Variants in LIN37 observed in about 807,000 individuals in gnomAD.
LIN37 encodes protein lin-37 homolog.
Under a neutral mutation model 38.0 loss-of-function variants are expected in LIN37, and 21 were observed. The ratio of observed to expected loss-of-function variants is 0.55; its 90% confidence interval spans 0.39 to 0.80. The LOEUF is 0.80. LIN37 is among the 30% of genes least tolerant of loss of function. The pLI is 0.00. For synonymous variants in LIN37, 126 were observed against 122.9 expected, an observed-to-expected ratio of 1.03 and a Z score of -0.17; for missense variants, 273 against 338.5, an observed-to-expected ratio of 0.81 and a Z score of 1.52.
chr19:35,750,155 T>G (rs11667696), intron 1 of LIN37, among the ~76,000 whole-genome samples: 22,078 of 144,546 alleles, frequency 0.15, 1,723 homozygotes, highest in South Asian at 0.28. Flanking sequence ...ATGGGGTTGG[T>G]GGGCTGGGTA....
In LIN37 at chr19:35,748,692, C is replaced by T. The variant is rs1231546893; in HGVS notation, c.-33C>T. 2 of 1,613,838 alleles carry T rather than the reference C, an allele frequency of 1.2e-6. No individual in the cohort carries two copies. The highest frequency in any genetic ancestry group is 8.5e-7 in the Non-Finnish European group (1 of 1,179,744). On this transcript the variant is annotated 5_prime_UTR_variant, in exon 1 of 9. Coordinates refer to ENST00000301159, the MANE Select transcript of LIN37 (RefSeq NM_019104.3). ...TGACCCTAGGCCCTTTGGGGCGCCT[C>T]TGACCCAGCTAGCCAGATCCCGGAC...
intron 1 of LIN37, among the ~76,000 whole-genome samples, chr19:35,751,485 G>A (rs1365790358): frequency 2.6e-5 from 4 of 152,172 alleles, no homozygotes; most frequent in South Asian, 2.1e-4. Flanking sequence ...CTTTGAGCAC[G>A]TGGCCTAACA....
At position 35,754,072 on chromosome 19, in the gene LIN37, C is replaced by A; in HGVS notation, c.500C>A (p.Thr167Lys). The A allele has an allele frequency of 6.2e-7, 1 of 1,613,952 alleles. No homozygotes were observed. The highest frequency in any genetic ancestry group is 8.5e-7 in the Non-Finnish European group (1 of 1,179,882). The part of the protein sequence containing the change: ...SRDVYKLPPP[T>K]PPGPPGDACR... ...GATGTGTACAAGCTGCCGCCACCCA[C>A]ACCCCCGGGGCCACCCGGAGATGCC... Residue 167 changes from threonine (T) to lysine (K), a missense_variant, in exon 7 of 9, where the codon ACA (threonine) becomes AAA (lysine). Transcript: ENST00000301159.
At position 35,749,671 on chromosome 19, in the gene LIN37, G is replaced by A. The variant is rs549719840; in HGVS notation, c.34+913G>A. On this transcript the variant is annotated intron_variant, in intron 1 of 8. Transcript: ENST00000301159. ...AAAAAAAAAATTAGCCAGGTGTGGT[G>A]GCACAAGCCTGTAGTCCCAGCTACT... is the stretch of plus-strand genomic sequence containing the variant. 5.9e-4 allele frequency among the ~76,000 whole-genome samples: 89 copies of A among 151,608 alleles called. No homozygotes were observed. In the Middle Eastern group the frequency reaches 0.01, roughly 17 times the overall value.
intron 6 of LIN37, 78 bp downstream of exon 6, chr19:35,753,331 T>C (rs547176991): frequency 5.8e-5 from 86 of 1,471,560 alleles, no homozygotes; most frequent in Non-Finnish European, 7.7e-5. Context: ...ATCCTGCCCC[T>C]AAGCTAGTGG....
chr19:35,751,446 ATCAGC>A (rs941320176), intron 1 of LIN37, among the ~76,000 whole-genome samples: 6 of 152,252 alleles, frequency 3.9e-5, no homozygotes, highest in African/African-American at 1.4e-4. Flanking sequence ...GGTTCAAATC[ATCAGC>A]TCTGCAATTT....
intron 1 of LIN37, among the ~76,000 whole-genome samples, chr19:35,750,728 G>GA (rs1970670498): frequency 6.6e-6 from 1 of 152,132 alleles, no homozygotes; most frequent in Admixed American, 6.5e-5. Context: ...TTGGGAGGCT[G>GA]AGGCAGGTGG....
intron 6 of LIN37, chr19:35,753,666 T>G: frequency 4.1e-6 from 2 of 487,568 alleles, no homozygotes; most frequent in Non-Finnish European, 7.5e-6. Flanking sequence ...AGGACAGACA[T>G]ATAGGACCCT....
In LIN37 at chr19:35,748,663, C is replaced by T; in HGVS notation, c.-62C>T. The T allele has an allele frequency of 1.9e-6, 3 of 1,609,652 alleles. No homozygotes were observed. Among genetic ancestry groups the T allele is most frequent in the Non-Finnish European group, 2.6e-6 (3 of 1,176,010 alleles). The stretch of plus-strand genomic sequence containing the variant: ...CTGTCCCCGCCTTCTCCCGCCTTGA[C>T]TTGTGACCCTAGGCCCTTTGGGGCG... On this transcript the variant is annotated 5_prime_UTR_variant, in exon 1 of 9. Transcript: ENST00000301159.
chr19:35,752,862 C>G (rs1292962176), intron 4 of LIN37, 29 bp downstream of exon 4: 1 of 1,601,470 alleles, frequency 6.2e-7, no homozygotes, highest in Admixed American at 1.7e-5. Context: ...AGCCAGCTGA[C>G]TAGAGGCTCC....
At chr19:35,749,724 G>A (rs1304548161) in intron 1 of LIN37, among the ~76,000 whole-genome samples, 7 of 151,444 alleles carry the variant, frequency 4.6e-5, no homozygotes, top group African/African-American at 9.7e-5. Context: ...AGGATCGCTG[G>A]AGCCGGGGAG....
At chr19:35,749,400 C>T (rs1021664437) in intron 1 of LIN37, among the ~76,000 whole-genome samples, 6 of 151,976 alleles carry the variant, frequency 3.9e-5, no homozygotes, top group African/African-American at 1.5e-4. Flanking sequence ...TGACCGGATC[C>T]CAGGCCTGGC....
chr19:35,751,978 T>C, intron 1 of LIN37, 198 bp from the exon 2 acceptor site: 2 of 526,320 alleles, frequency 3.8e-6, no homozygotes, highest in East Asian at 3.0e-5. Context: ...CACAGAGCAA[T>C]CACGTGGGAC....
rs137964044 is a variant in LIN37, at chr19:35,749,104, G to A, written c.34+346G>A. The A allele has an allele frequency of 6.2e-6, 4 of 645,592 alleles. No individual in the cohort carries two copies. The South Asian group carries it at 1.6e-4, about 25-fold the overall frequency. The allele number at this position is 645,592 out of a possible 1,614,324, so 40.0% of individuals were successfully genotyped here. On this transcript the variant is annotated intron_variant, in intron 1 of 8. Transcript: ENST00000301159. The stretch of plus-strand genomic sequence containing the variant: ...GACGGAGTATCGCTATATTGCCCAG[G>A]CTGGTCTCGAACTCCTGGTCTCAAG...
Position 35,748,581 on chromosome 19 carries a change from C to A in LIN37, c.-144C>A, listed in dbSNP as rs1454397885. 53 of 1,118,626 alleles carry A rather than the reference C, an allele frequency of 4.7e-5. No homozygotes were observed. The East Asian group carries it at 1.3e-3, about 27-fold the overall frequency. 69.3% of individuals were successfully genotyped at this position (1,118,626 alleles called of 1,614,324 possible). A position where few individuals can be genotyped will look rare whatever the true frequency, so the allele number is the denominator to read the frequency against. On this transcript the variant is annotated 5_prime_UTR_variant, in exon 1 of 9. Transcript: ENST00000301159. The stretch of plus-strand genomic sequence containing the variant: ...CCCACAGAAGGGTGGTGGCCACGGT[C>A]CAGGCTGGACACAACCAAAGGCGGA...
At chr19:35,752,559 C>G in intron 3 of LIN37, 75 bp downstream of exon 3, 1 of 1,497,934 alleles carries the variant, frequency 6.7e-7, no homozygotes, top group Non-Finnish European at 9.2e-7. Flanking sequence ...GCCCTGACCG[C>G]TCAGCCCAGC....
chr19:35,752,194 C>T lies in LIN37; in HGVS notation c.53C>T (p.Ala18Val). ...VEKSELEMAKARNQLDAVLQC... is the reference protein window; with the variant it reads ...VEKSELEMAKVRNQLDAVLQC... ...GCCCCAGAGCTGGAGATGGCCAAAG[C>T]CCGGAACCAACTGGATGCTGTCTTG... The change falls in exon 2 of 9, where the codon GCC (alanine) becomes GTC (valine). Residue 18 changes from alanine (A) to valine (V), a missense_variant. By Grantham distance (64) the Ala-to-Val change is moderately conservative (BLOSUM62 0). Transcript: ENST00000301159. 6.2e-7 allele frequency: 1 copy of T among 1,603,736 alleles called. No homozygotes were observed. The highest frequency in any genetic ancestry group is 2.2e-5 in the East Asian group (1 of 44,474).
rs750773782 is a variant in LIN37 at position 35,754,485 on chromosome 19, T to TC, written c.*17dup. On this transcript the variant is annotated 3_prime_UTR_variant, in exon 9 of 9. Transcript: ENST00000301159. ...TACGAACGACAGTGATGTTCCCAGGTCCCCCCACACCAGTAAACATCCCCC... is the reference window on the plus strand; with the variant it reads ...TACGAACGACAGTGATGTTCCCAGGTCCCCCCCACACCAGTAAACATCCCCC... 5 of 1,612,500 alleles carry TC rather than the reference T, an allele frequency of 3.1e-6. No individual in the cohort carries two copies. The highest frequency in any genetic ancestry group is 2.7e-5 in the African/African-American group (2 of 74,800).
intron 1 of LIN37, 82 bp downstream of exon 1, chr19:35,748,840 A>T: frequency 6.2e-7 from 1 of 1,609,564 alleles, no homozygotes; most frequent in Non-Finnish European, 8.5e-7. Flanking sequence ...GTATCGCGGA[A>T]AGGGGACTGC....
Sources: gnomAD v4.1 joint callset for allele counts (sites outside exome capture counted in the v4.1 genomes callset) on GRCh38, gnomAD v4.1.1 for gene constraint, MANE v1.5 for transcripts, NCBI Gene and HGNC (gene_info 2026-07-23, HGNC 2026-07-21) for gene names.